ADAMTS9: variants seen among roughly 807,000 people sequenced by gnomAD.
ADAMTS9 encodes the protein A disintegrin and metalloproteinase with thrombospondin motifs 9.
Under a neutral mutation model 257.1 loss-of-function variants are expected in ADAMTS9, and 107 were observed. The ratio of observed to expected loss-of-function variants is 0.42; its 90% confidence interval spans 0.36 to 0.49. ADAMTS9 has a LOEUF of 0.49. Ranked by LOEUF, ADAMTS9 falls within the 20% of genes least tolerant of loss-of-function variation. ADAMTS9 has a pLI of 0.03. For missense variants in ADAMTS9, 2,353 were observed against 2,469.1 expected, an observed-to-expected ratio of 0.95 and a Z score of 1.00; for synonymous variants, 982 against 880.9, an observed-to-expected ratio of 1.11 and a Z score of -2.03.
chr3:64,633,954 T>C (rs928304036), intron 12 of ADAMTS9, 75 bp from the exon 13 acceptor site: 4 of 1,331,410 alleles, frequency 3.0e-6, no homozygotes, highest in Admixed American at 2.0e-5. Context: ...CCTTCATTCA[T>C]GACTTCCTGT....
intron 4 of ADAMTS9, 149 bp downstream of exon 4, chr3:64,658,353 C>A: frequency 2.4e-6 from 2 of 832,262 alleles, no homozygotes; most frequent in Non-Finnish European, 3.7e-6. Flanking sequence ...AAAAAGGCAA[C>A]CAACAAATAA....
intron 26 of ADAMTS9, among the ~76,000 whole-genome samples, chr3:64,601,527 A>T (rs183534220): frequency 2.3e-4 from 35 of 152,330 alleles, no homozygotes; most frequent in Middle Eastern, 3.4e-3. Context: ...CAACCATGCC[A>T]CTTTGAGACT....
At chr3:64,558,720 T>G (rs536709610) in intron 30 of ADAMTS9, among the ~76,000 whole-genome samples, 1 of 152,108 alleles carries the variant, frequency 6.6e-6, no homozygotes, top group Non-Finnish European at 1.5e-5. Context: ...ATAGTCCACA[T>G]AGGGGACTAT....
chr3:64,576,894 A>G (rs1043163535), intron 28 of ADAMTS9, among the ~76,000 whole-genome samples: 3 of 152,218 alleles, frequency 2.0e-5, no homozygotes, highest in Non-Finnish European at 4.4e-5. Context: ...TGGCAGGGCC[A>G]GGCAAATAAA....
rs77263040 is a variant in ADAMTS9, at chr3:64,552,380, T to C, written c.4699-1318A>G. 5.5e-3 allele frequency among the ~76,000 whole-genome samples: 842 copies of C among 152,226 alleles called. 46 individuals are homozygous for C. In the East Asian group the frequency reaches 0.14, roughly 24 times the overall value. On this transcript the variant is annotated intron_variant, in intron 30 of 39. Coordinates refer to ENST00000498707, the MANE Select transcript of ADAMTS9 (RefSeq NM_182920.2). ...GTTGCTAAAGGTCACTGAAAGCCTA[T>C]TGTATCTAAAGCCTCTGTGTCACCC...
intron 21 of ADAMTS9, chr3:64,615,087 A>G: frequency 2.3e-6 from 1 of 443,284 alleles, no homozygotes; most frequent in Non-Finnish European, 4.0e-6. Flanking sequence ...CAGAAGCTAC[A>G]ACAGTGAGTG....
rs1254393646 is a variant in ADAMTS9, at chr3:64,515,934, G to A, written c.*1193C>T. ...TTCAGCACTTCCATTTTGGAAAGAA[G>A]TAACAAAAAAGTGAATTAATGAGCA... On this transcript the variant is annotated 3_prime_UTR_variant, in exon 40 of 40. Transcript: ENST00000498707. 1.3e-5 allele frequency: 2 copies of A among 152,130 alleles called. No individual in the cohort carries two copies. The highest frequency in any genetic ancestry group is 2.9e-5 in the Non-Finnish European group (2 of 68,028). 9.4% of individuals were successfully genotyped at this position (152,130 alleles called of 1,614,324 possible). A position where few individuals can be genotyped will look rare whatever the true frequency, so the allele number is the denominator to read the frequency against.
chr3:64,681,137 C>T, intron 3 of ADAMTS9, 64 bp downstream of exon 3: 2 of 1,543,444 alleles, frequency 1.3e-6, no homozygotes, highest in Non-Finnish European at 1.7e-6. Context: ...AGCTACATCT[C>T]TGTAGTATAG....
chr3:64,615,900 A>G (rs2084753067), intron 20 of ADAMTS9, 60 bp downstream of exon 20: 1 of 1,595,446 alleles, frequency 6.3e-7, no homozygotes, highest in African/African-American at 1.3e-5. Context: ...ACCTGCAAGG[A>G]GCCACCATCA....
intron 3 of ADAMTS9, among the ~76,000 whole-genome samples, chr3:64,669,803 G>C (rs1027034435): frequency 3.9e-5 from 6 of 152,026 alleles, no homozygotes; most frequent in African/African-American, 1.5e-4. Context: ...GGGGAGTACA[G>C]TCTACACATC....
At chr3:64,539,076 C>T in intron 37 of ADAMTS9, 127 bp downstream of exon 37, 1 of 863,452 alleles carries the variant, frequency 1.2e-6, no homozygotes, top group Non-Finnish European at 1.9e-6. Flanking sequence ...GGTCTTGATA[C>T]ATGTGGCCAA....
intron 22 of ADAMTS9, among the ~76,000 whole-genome samples, chr3:64,611,329 T>G (rs908326877): frequency 2.0e-5 from 3 of 152,204 alleles, no homozygotes; most frequent in African/African-American, 7.2e-5. Flanking sequence ...TGATACATGC[T>G]ACAATATAGA....
Position 64,686,766 on chromosome 3 carries a change from G to A in ADAMTS9, c.318C>T (p.Gly106=). The change falls in exon 2 of 40, where the codon GGC becomes GGT. Residue 106 remains glycine, a synonymous_variant. Transcript: ENST00000498707. The surrounding 1 kb of genome is among the most constrained non-coding windows in gnomAD (Gnocchi z 4.6). Reference sequence around the variant, plus strand: ...CGGTGAGATTAAATAGAAACTGCTGGCCGAAGGCAGAGAGGCGGTAATGCG... The same window carrying A: ...CGGTGAGATTAAATAGAAACTGCTGACCGAAGGCAGAGAGGCGGTAATGCG... ...SQAHYRLSAF[G]QQFLFNLTAN... The A allele has an allele frequency of 6.2e-7, 1 of 1,614,194 alleles. No homozygotes were observed. Among genetic ancestry groups the A allele is most frequent in the Non-Finnish European group, 8.5e-7 (1 of 1,180,046 alleles).
At chr3:64,647,094 A>AG (rs1267848518) in intron 11 of ADAMTS9, among the ~76,000 whole-genome samples, 1 of 152,200 alleles carries the variant, frequency 6.6e-6, no homozygotes, top group Non-Finnish European at 1.5e-5. Context: ...TGGAAAGAGG[A>AG]GGGAAAAAAG....
intron 10 of ADAMTS9, among the ~76,000 whole-genome samples, chr3:64,648,854 A>T (rs1183418253): frequency 6.6e-6 from 1 of 152,138 alleles, no homozygotes; most frequent in Non-Finnish European, 1.5e-5. Flanking sequence ...AATGACTCCT[A>T]ATTTTTCCTA....
rs534890081 is a variant in ADAMTS9 at position 64,556,705 on chromosome 3, CTA to C, written c.4698+4871_4698+4872del. Among the ~76,000 whole-genome samples, 323 of 146,386 alleles carry C rather than the reference CTA, an allele frequency of 2.2e-3. 2 individuals are homozygous for C. Among genetic ancestry groups the C allele is most frequent in the African/African-American group, 7.8e-3 (306 of 39,344 alleles). On this transcript the variant is annotated intron_variant, in intron 30 of 39. Transcript: ENST00000498707. ...AGTCCATCAATTAGCAGGCACTGTT[CTA>C]TGTTTTTTTCCTTCCTTCCTTCCTT...
chr3:64,558,167 C>T (rs539167403), intron 30 of ADAMTS9, among the ~76,000 whole-genome samples: 53 of 152,270 alleles, frequency 3.5e-4, no homozygotes, highest in African/African-American at 1.2e-3. Flanking sequence ...AAATAATTCA[C>T]TTTAGGTGTA....
chr3:64,551,615 A>G (rs1270637713), intron 30 of ADAMTS9, among the ~76,000 whole-genome samples: 1 of 152,248 alleles, frequency 6.6e-6, no homozygotes, highest in Non-Finnish European at 1.5e-5. Context: ...ATCTCAGTTT[A>G]GAAAGGACCT....
chr3:64,591,761 C>A (rs964111661), intron 28 of ADAMTS9, among the ~76,000 whole-genome samples: 7 of 152,180 alleles, frequency 4.6e-5, no homozygotes, highest in Admixed American at 1.3e-4. Flanking sequence ...CTAATTCACA[C>A]AGCAGCAGTT....
Sources: gnomAD v4.1 joint callset for allele counts (sites outside exome capture counted in the v4.1 genomes callset) on GRCh38, gnomAD v4.1.1 for gene constraint, Gnocchi (gnomAD v3.1) non-coding constraint, MANE v1.5 for transcripts, NCBI Gene and HGNC (gene_info 2026-07-23, HGNC 2026-07-21) for gene names.